Variants in GPC6 observed in about 807,000 individuals in gnomAD.
The protein encoded by GPC6 is glypican-6.
A neutral mutation model predicts 55.2 loss-of-function variants in GPC6; 14 were observed. That is an observed-to-expected ratio of 0.25 (90% CI 0.17 to 0.40). GPC6 has a LOEUF of 0.40. Among genes scored for constraint, GPC6 ranks in the 10% least tolerant of loss-of-function variants. GPC6 has a pLI of 1.00. For synonymous variants in GPC6, 278 were observed against 259.6 expected, an observed-to-expected ratio of 1.07 and a Z score of -0.68; for missense variants, 641 against 708.5, an observed-to-expected ratio of 0.90 and a Z score of 1.08.
At chr13:93,862,340 G>T (rs952062015) in intron 3 of GPC6, among the ~76,000 whole-genome samples, 1 of 151,456 alleles carries the variant, frequency 6.6e-6, no homozygotes, top group Non-Finnish European at 1.5e-5. Flanking sequence ...CCTAAGAATG[G>T]ACTTTGCTCC....
At chr13:93,364,300 C>T (rs1881159328) in intron 1 of GPC6, among the ~76,000 whole-genome samples, 2 of 151,982 alleles carry the variant, frequency 1.3e-5, no homozygotes, top group Non-Finnish European at 2.9e-5. Flanking sequence ...GGTTTAGTCA[C>T]CACGTGTCAT....
intron 2 of GPC6, among the ~76,000 whole-genome samples, chr13:93,590,654 A>G (rs1029157622): frequency 5.9e-5 from 9 of 152,316 alleles, no homozygotes; most frequent in Admixed American, 3.9e-4. Flanking sequence ...AGAGATATGC[A>G]TATACAATTA....
At chr13:93,614,548 C>T (rs1346204245) in intron 2 of GPC6, among the ~76,000 whole-genome samples, 1 of 152,114 alleles carries the variant, frequency 6.6e-6, no homozygotes, top group Non-Finnish European at 1.5e-5. Context: ...ATGGCTGGTA[C>T]ATAGTAAGCA....
chr13:94,180,899 G>GAGA (rs1888971891), intron 4 of GPC6, among the ~76,000 whole-genome samples: 1 of 138,460 alleles, frequency 7.2e-6, no homozygotes, highest in African/African-American at 2.7e-5. Context: ...AGAGAGAGAG[G>GAGA]GAGAGAGACT....
At chr13:93,615,837 C>T (rs1372455453) in intron 2 of GPC6, among the ~76,000 whole-genome samples, 8 of 152,076 alleles carry the variant, frequency 5.3e-5, no homozygotes, top group Admixed American at 5.2e-4. Flanking sequence ...AATTCTAAAA[C>T]TCTCTGAAAA....
Position 93,269,650 on chromosome 13 carries a change from A to G in GPC6, c.160+42034A>G, listed in dbSNP as rs965284819. On this transcript the variant is annotated intron_variant, in intron 1 of 8. Transcript: ENST00000377047. The stretch of plus-strand genomic sequence containing the variant: ...TATAGAAATATTTGTGGTAGGCCGG[A>G]CACGGTGGCTCACGCCTGTAATCCC... Among the ~76,000 whole-genome samples the G allele has an allele frequency of 1.2e-4, 18 of 151,922 alleles. No individual in the cohort carries two copies. In the East Asian group the frequency reaches 2.5e-3, roughly 21 times the overall value.
intron 3 of GPC6, among the ~76,000 whole-genome samples, chr13:93,948,085 A>G (rs569029845): frequency 2.0e-5 from 3 of 152,330 alleles, no homozygotes; most frequent in Admixed American, 2.0e-4. Context: ...TTAAGAAACA[A>G]TAAAGTTACT....
At chr13:93,799,510 A>G (rs1306641540) in intron 2 of GPC6, among the ~76,000 whole-genome samples, 1 of 152,168 alleles carries the variant, frequency 6.6e-6, no homozygotes, top group Non-Finnish European at 1.5e-5. Flanking sequence ...ATCCTTTATC[A>G]TTTATTGGCA....
intron 2 of GPC6, among the ~76,000 whole-genome samples, chr13:93,658,681 TTATCA>T (rs1278883501): frequency 2.0e-5 from 3 of 151,806 alleles, no homozygotes; most frequent in Non-Finnish European, 4.4e-5. Flanking sequence ...TTACAATGTA[TTATCA>T]TATTGGTATA....
intron 2 of GPC6, among the ~76,000 whole-genome samples, chr13:93,760,021 A>AAAAC (rs1318188682): frequency 0.018 from 295 of 16,208 alleles, 2 homozygotes; most frequent in African/African-American, 0.11. Context: ...AAATGCTGAG[A>AAAAC]AAACAAAAAA....
chr13:93,992,260 T>C (rs1881346404), intron 3 of GPC6, among the ~76,000 whole-genome samples: 2 of 151,792 alleles, frequency 1.3e-5, no homozygotes, highest in African/African-American at 4.8e-5. Context: ...ATCAACATAC[T>C]TCTTTTTATG....
At chr13:93,873,927 C>G (rs895205212) in intron 3 of GPC6, among the ~76,000 whole-genome samples, 1 of 151,940 alleles carries the variant, frequency 6.6e-6, no homozygotes, top group Non-Finnish European at 1.5e-5. Flanking sequence ...GTGAGCATTA[C>G]CATCTCCACT....
At chr13:94,322,539 TGC>T (rs1245518733) in intron 6 of GPC6, among the ~76,000 whole-genome samples, 1 of 152,198 alleles carries the variant, frequency 6.6e-6, no homozygotes, top group African/African-American at 2.4e-5. Context: ...TGCTCCAGAC[TGC>T]GGTGATTACT....
intron 4 of GPC6, among the ~76,000 whole-genome samples, chr13:94,042,443 A>G (rs188831628): frequency 7.4e-4 from 113 of 152,014 alleles, no homozygotes; most frequent in African/African-American, 2.7e-3. Context: ...TAATATCACT[A>G]GTTTATCCCC....
intron 4 of GPC6, among the ~76,000 whole-genome samples, chr13:94,198,650 T>G (rs980358641): frequency 6.6e-6 from 1 of 152,208 alleles, no homozygotes; most frequent in Admixed American, 6.5e-5. Flanking sequence ...TCCAGCCTTT[T>G]TCCATCTCTG....
intron 6 of GPC6, among the ~76,000 whole-genome samples, chr13:94,355,432 A>G (rs750738158): frequency 6.6e-5 from 10 of 152,144 alleles, no homozygotes; most frequent in Non-Finnish European, 8.8e-5. Context: ...ATTTTCATGC[A>G]TGCACTATTG....
chr13:93,347,391 A>G (rs1328825978), intron 1 of GPC6, among the ~76,000 whole-genome samples: 1 of 152,170 alleles, frequency 6.6e-6, no homozygotes, highest in Non-Finnish European at 1.5e-5. Context: ...ATTAGCAAAT[A>G]CTGTCTAATG....
intron 3 of GPC6, among the ~76,000 whole-genome samples, chr13:93,864,644 C>T (rs1888907417): frequency 6.6e-6 from 1 of 151,730 alleles, no homozygotes; most frequent in Non-Finnish European, 1.5e-5. Context: ...TTTGTTATCT[C>T]ATTTTATCTT....
intron 1 of GPC6, among the ~76,000 whole-genome samples, chr13:93,512,575 G>A (rs1049911504): frequency 2.6e-5 from 4 of 152,002 alleles, no homozygotes; most frequent in African/African-American, 7.2e-5. Flanking sequence ...GTATTTTATG[G>A]AGGATTTTTA....
Sources: gnomAD v4.1 joint callset for allele counts (sites outside exome capture counted in the v4.1 genomes callset) on GRCh38, gnomAD v4.1.1 for gene constraint, MANE v1.5 for transcripts, NCBI Gene and HGNC (gene_info 2026-07-23, HGNC 2026-07-21) for gene names.